The following CPQ variants were observed in gnomAD, a reference collection of about 807,000 sequenced individuals.
CPQ encodes the protein Ser-Met dipeptidase.
CPQ carries 37 observed loss-of-function variants against 45.7 expected under a neutral mutation model. The observed-to-expected ratio is 0.81, with a 90% CI of 0.62 to 1.07. CPQ has a LOEUF of 1.07. Ranked by LOEUF, CPQ falls within the 50% of genes least tolerant of loss-of-function variation. The probability of loss-of-function intolerance (pLI) is 0.00; values close to 1 mark genes in which losing one functional copy is unlikely to be tolerated. For synonymous variants in CPQ, 186 were observed against 205.8 expected (o/e 0.90, Z 0.82); for missense variants, 537 against 572.9 (o/e 0.94, Z 0.64).
At chr8:96,874,848 A>G (rs970400272) in intron 3 of CPQ, among the ~76,000 whole-genome samples, 81 of 152,056 alleles carry the variant, frequency 5.3e-4, no homozygotes, top group African/African-American at 1.7e-3. Flanking sequence ...TCGTTATAAT[A>G]TATACCAAGG....
intron 1 of CPQ, among the ~76,000 whole-genome samples, chr8:96,709,467 A>G (rs1809579225): frequency 6.6e-6 from 1 of 151,970 alleles, no homozygotes; most frequent in Admixed American, 6.6e-5. Context: ...CATGGTGTAT[A>G]AATACCACAT....
At chr8:96,798,799 A>G (rs1387002799) in intron 2 of CPQ, among the ~76,000 whole-genome samples, 1 of 152,100 alleles carries the variant, frequency 6.6e-6, no homozygotes, top group Non-Finnish European at 1.5e-5. Context: ...GTTTTATACA[A>G]TGGTCAGATT....
chr8:96,688,244 T>C (rs963828790), intron 1 of CPQ, among the ~76,000 whole-genome samples: 10 of 152,170 alleles, frequency 6.6e-5, no homozygotes, highest in African/African-American at 2.4e-4. Context: ...CCATCTGATA[T>C]TAATACCATG....
intron 3 of CPQ, among the ~76,000 whole-genome samples, chr8:96,841,554 A>G (rs534960511): frequency 6.6e-6 from 1 of 152,198 alleles, no homozygotes; most frequent in South Asian, 2.1e-4. Context: ...TTAATCAGCT[A>G]AGGAAGCAAA....
intron 3 of CPQ, among the ~76,000 whole-genome samples, chr8:96,867,549 C>G (rs966024606): frequency 6.6e-6 from 1 of 151,698 alleles, no homozygotes; most frequent in Non-Finnish European, 1.5e-5. Context: ...AATATTTACT[C>G]CTTTTGCCAA....
chr8:96,918,083 G>C (rs1484092034), intron 4 of CPQ, among the ~76,000 whole-genome samples: 2 of 151,980 alleles, frequency 1.3e-5, no homozygotes, highest in Non-Finnish European at 2.9e-5. Context: ...TTTATCCAGG[G>C]GATAATGCAT....
At chr8:96,952,498 T>C (rs1813283413) in intron 4 of CPQ, among the ~76,000 whole-genome samples, 1 of 152,112 alleles carries the variant, frequency 6.6e-6, no homozygotes, top group Admixed American at 6.6e-5. Flanking sequence ...TTACAGTTTA[T>C]ATATAACATA....
chr8:96,652,693 C>T (rs1182072266), intron 1 of CPQ, among the ~76,000 whole-genome samples: 1 of 152,148 alleles, frequency 6.6e-6, no homozygotes, highest in Non-Finnish European at 1.5e-5. Flanking sequence ...AGTGCAGTGG[C>T]GCCATCTCTG....
chr8:96,731,560 G>C (rs973515966), intron 1 of CPQ, among the ~76,000 whole-genome samples: 24 of 152,198 alleles, frequency 1.6e-4, no homozygotes, highest in Non-Finnish European at 3.2e-4. Context: ...TTTGTTCACT[G>C]CTGAATGCTA....
chr8:96,782,106 A>G (rs1810694584), intron 1 of CPQ, among the ~76,000 whole-genome samples: 1 of 152,124 alleles, frequency 6.6e-6, no homozygotes, highest in Admixed American at 6.5e-5. Context: ...CAGGAGTCTC[A>G]GGTGTGGTTC....
At chr8:96,679,928 T>C (rs1809128010) in intron 1 of CPQ, among the ~76,000 whole-genome samples, 1 of 152,144 alleles carries the variant, frequency 6.6e-6, no homozygotes, top group Admixed American at 6.5e-5. Context: ...AGTTTTGTTC[T>C]AATGTTATTA....
intron 3 of CPQ, among the ~76,000 whole-genome samples, chr8:96,862,417 C>T (rs1811938314): frequency 6.6e-6 from 1 of 151,176 alleles, no homozygotes; most frequent in South Asian, 2.1e-4. Flanking sequence ...ATTATTATGG[C>T]AAGTAGTTAG....
chr8:97,119,564 A>T (rs1455890485), intron 7 of CPQ, among the ~76,000 whole-genome samples: 5 of 152,172 alleles, frequency 3.3e-5, no homozygotes, highest in African/African-American at 1.2e-4. Context: ...GATGATTTAA[A>T]TTCAAAGTAT....
chr8:96,862,052 G>A (rs944042577), intron 3 of CPQ, among the ~76,000 whole-genome samples: 2 of 152,060 alleles, frequency 1.3e-5, no homozygotes, highest in Admixed American at 6.6e-5. Context: ...AGGTAAGGTA[G>A]TGGCATAAGC....
intron 7 of CPQ, among the ~76,000 whole-genome samples, chr8:97,090,792 T>C (rs1448824608): frequency 2.0e-5 from 3 of 152,160 alleles, no homozygotes; most frequent in African/African-American, 4.8e-5. Context: ...CTCAAGCGGT[T>C]CTTTGGAATT....
chr8:97,066,931 T>C (rs1312739336), intron 7 of CPQ, among the ~76,000 whole-genome samples: 3 of 141,140 alleles, frequency 2.1e-5, no homozygotes, highest in Non-Finnish European at 3.1e-5. Flanking sequence ...TTTTTTTTTT[T>C]TTTTTTTTTT....
At chr8:96,671,306 A>C (rs534819151) in intron 1 of CPQ, among the ~76,000 whole-genome samples, 1 of 152,212 alleles carries the variant, frequency 6.6e-6, no homozygotes, top group Non-Finnish European at 1.5e-5. Flanking sequence ...GATTTAGAGT[A>C]CATATAAAAA....
At position 96,926,305 on chromosome 8, in the gene CPQ, A is replaced by G. The variant is rs559768132; in HGVS notation, c.850-39630A>G. On this transcript the variant is annotated intron_variant, in intron 4 of 7. Coordinates refer to ENST00000220763, the MANE Select transcript of CPQ (RefSeq NM_016134.4). Reference sequence around the variant, plus strand: ...TTGGGCAGCTCTGACCAGTCCAGATATAAGTCTGTCTCTTTGTAGCTTCAA... The same window carrying G: ...TTGGGCAGCTCTGACCAGTCCAGATGTAAGTCTGTCTCTTTGTAGCTTCAA... Among the ~76,000 whole-genome samples the G allele has an allele frequency of 2.5e-4, 38 of 152,166 alleles. 3 individuals carry two copies. The highest frequency in any genetic ancestry group is 6.5e-5 in the Admixed American group (1 of 15,288).
chr8:96,699,549 G>A (rs1017703251), intron 1 of CPQ, among the ~76,000 whole-genome samples: 3 of 152,178 alleles, frequency 2.0e-5, no homozygotes, highest in Admixed American at 6.5e-5. Context: ...CACTTACCCT[G>A]AAGTGATTAT....
Sources: gnomAD v4.1 joint callset for allele counts (sites outside exome capture counted in the v4.1 genomes callset) on GRCh38, gnomAD v4.1.1 for gene constraint, MANE v1.5 for transcripts, NCBI Gene and HGNC (gene_info 2026-07-23, HGNC 2026-07-21) for gene names.